Variants in NAA11 observed in about 807,000 individuals in gnomAD.
NAA11 encodes the protein N-alpha-acetyltransferase 11, NatA catalytic subunit, also known as N-alpha-acetyltransferase 11.
A neutral mutation model predicts 16.1 loss-of-function variants in NAA11; 15 were observed. The ratio of observed to expected loss-of-function variants is 0.93; its 90% CI spans 0.62 to 1.44. The LOEUF (loss-of-function observed/expected upper bound fraction) is 1.44. Among genes scored for constraint, NAA11 ranks in the 40% most tolerant of loss-of-function variants. NAA11 has a pLI of 0.00. For synonymous variants in NAA11, 122 were observed against 112.4 expected, an observed-to-expected ratio of 1.09 and a Z score of -0.54; for missense variants, 298 against 291.3, an observed-to-expected ratio of 1.02 and a Z score of -0.17.
At chr4:79,157,093 G>A in the NAA11 span, among the ~76,000 whole-genome samples, 3 of 151,948 alleles carry the variant, frequency 2.0e-5, no homozygotes, top group Non-Finnish European at 2.9e-5. Context: ...CCATTTTATT[G>A]TTTTTTATTT....
At chr4:79,202,470 G>A in the NAA11 span, among the ~76,000 whole-genome samples, 1 of 148,322 alleles carries the variant, frequency 6.7e-6, no homozygotes, top group Admixed American at 6.8e-5. Flanking sequence ...TTAACATAAA[G>A]TGGAGTTCAT....
At chr4:79,287,736 AAAACTGCTGCTTTCAGATTGTCAAACT>A (rs1464421402) in intron 2 of NAA11, among the ~76,000 whole-genome samples, 1 of 152,104 alleles carries the variant, frequency 6.6e-6, no homozygotes, top group Non-Finnish European at 1.5e-5. Context: ...ATTCAGGATT[AAAACTGCTGCTTTCAGATTGTCAAACT>A]GATTTATATT....
At chr4:79,293,166 G>A (rs990927336) in intron 2 of NAA11, among the ~76,000 whole-genome samples, 2 of 151,944 alleles carry the variant, frequency 1.3e-5, no homozygotes, top group African/African-American at 2.4e-5. Context: ...TTGCTAAATC[G>A]TGATTACTAA....
chr4:79,216,333 A>G, the NAA11 span, among the ~76,000 whole-genome samples: 2 of 152,126 alleles, frequency 1.3e-5, no homozygotes, highest in African/African-American at 4.8e-5. Context: ...GTTTGAGATC[A>G]TAGTATATCT....
intron 1 of NAA11, among the ~76,000 whole-genome samples, chr4:79,309,572 ATTTG>A (rs1426363233): frequency 6.6e-6 from 1 of 152,040 alleles, no homozygotes; most frequent in East Asian, 1.9e-4. Context: ...TTAGGAAGAT[ATTTG>A]TTTTTTTAGA....
chr4:79,169,251 A>T, the NAA11 span, among the ~76,000 whole-genome samples: 1 of 152,214 alleles, frequency 6.6e-6, no homozygotes, highest in Admixed American at 6.5e-5. Context: ...ATTAGAAAAA[A>T]CTATTTTAAA....
chr4:79,155,431 A>G, the NAA11 span, among the ~76,000 whole-genome samples: 1 of 152,164 alleles, frequency 6.6e-6, no homozygotes, highest in African/African-American at 2.4e-5. Flanking sequence ...ATTCCTAGTG[A>G]TTTTATGTGT....
chr4:79,270,664 A>G (rs1301351329), intron 2 of NAA11, among the ~76,000 whole-genome samples: 1 of 95,336 alleles, frequency 1.0e-5, no homozygotes, highest in Non-Finnish European at 2.0e-5. Flanking sequence ...GCAGCACATC[A>G]AAAAGCTTAT....
the NAA11 span, among the ~76,000 whole-genome samples, chr4:79,170,562 G>A: frequency 6.6e-6 from 1 of 152,160 alleles, no homozygotes; most frequent in Non-Finnish European, 1.5e-5. Context: ...AGGTCAGAAA[G>A]GACTTTGCAT....
At chr4:79,199,849 TATA>T in the NAA11 span, among the ~76,000 whole-genome samples, 1 of 151,918 alleles carries the variant, frequency 6.6e-6, no homozygotes, top group Non-Finnish European at 1.5e-5. Flanking sequence ...AAGAAATCAT[TATA>T]ATTGAATTTC....
the NAA11 span, among the ~76,000 whole-genome samples, chr4:79,197,108 AT>A: frequency 6.6e-6 from 1 of 152,084 alleles, no homozygotes; most frequent in South Asian, 2.1e-4. Flanking sequence ...AAGATAATAA[AT>A]TTATATTGTT....
intron 2 of NAA11, among the ~76,000 whole-genome samples, chr4:79,284,312 T>C (rs1218530296): frequency 6.6e-6 from 1 of 152,058 alleles, no homozygotes; most frequent in African/African-American, 2.4e-5. Flanking sequence ...TCTGGAGTAA[T>C]GGAAGGCAAT....
At chr4:79,243,863 A>G (rs1721746879) in intron 2 of NAA11, among the ~76,000 whole-genome samples, 1 of 152,168 alleles carries the variant, frequency 6.6e-6, no homozygotes, top group African/African-American at 2.4e-5. Context: ...AGGGCCTTTA[A>G]CCTCGATCCT....
the NAA11 span, among the ~76,000 whole-genome samples, chr4:79,179,520 A>T: frequency 7.0e-3 from 1,062 of 152,364 alleles, 7 homozygotes; most frequent in Middle Eastern, 0.037. Flanking sequence ...TCAAAATATC[A>T]TTCCCAAACC....
chr4:79,319,292 G>A (rs1724022437), intron 1 of NAA11, among the ~76,000 whole-genome samples: 1 of 152,082 alleles, frequency 6.6e-6, no homozygotes, highest in South Asian at 2.1e-4. Flanking sequence ...TTAAAGGTGG[G>A]CTATGGAAGC....
the NAA11 span, among the ~76,000 whole-genome samples, chr4:79,191,290 C>T: frequency 6.6e-6 from 1 of 151,718 alleles, no homozygotes; most frequent in Non-Finnish European, 1.5e-5. Flanking sequence ...CTCCCACCAA[C>T]AGTGGGTAAG....
chr4:79,309,941 T>A (rs995709694), intron 1 of NAA11, among the ~76,000 whole-genome samples: 1 of 152,092 alleles, frequency 6.6e-6, no homozygotes, highest in Admixed American at 6.6e-5. Flanking sequence ...GGTCTTGATC[T>A]CCTGACCTCG....
chr4:79,291,767 A>G (rs1219615333), intron 2 of NAA11, among the ~76,000 whole-genome samples: 1 of 152,152 alleles, frequency 6.6e-6, no homozygotes, highest in Non-Finnish European at 1.5e-5. Context: ...AAAAAAATCT[A>G]GTAGGCAATA....
At chr4:79,283,930 C>A (rs563553996) in intron 2 of NAA11, among the ~76,000 whole-genome samples, 2 of 152,160 alleles carry the variant, frequency 1.3e-5, no homozygotes, top group East Asian at 1.9e-4. Flanking sequence ...CCTTACCTAT[C>A]CATCCCTATT....
Sources: gnomAD v4.1 joint callset for allele counts (sites outside exome capture counted in the v4.1 genomes callset) on GRCh38, gnomAD v4.1.1 for gene constraint, MANE v1.5 for transcripts, NCBI Gene and HGNC (gene_info 2026-07-23, HGNC 2026-07-21) for gene names.